The following SFMBT2 variants were observed in gnomAD, a reference collection of about 807,000 sequenced individuals.
The protein encoded by SFMBT2 is scm-like with four MBT domains protein 2.
A neutral mutation model predicts 110.1 loss-of-function variants in SFMBT2; 38 were observed. That is an observed-to-expected ratio of 0.35 (90% CI 0.27 to 0.45). SFMBT2 has a LOEUF of 0.45. Ranked by LOEUF, SFMBT2 falls within the 20% of genes least tolerant of loss-of-function variation. The pLI is 1.00. For missense variants in SFMBT2, 1,011 were observed against 1,094.9 expected, an observed-to-expected ratio of 0.92 and a Z score of 1.08; for synonymous variants, 425 against 425.4, an observed-to-expected ratio of 1.00 and a Z score of 0.01.
intron 16 of SFMBT2, among the ~76,000 whole-genome samples, chr10:7,179,583 A>G (rs1269544447): frequency 6.6e-6 from 1 of 152,112 alleles, no homozygotes; most frequent in Non-Finnish European, 1.5e-5. Context: ...AGAGCTCACT[A>G]TCGAGATTCT....
rs1839934634 is a variant in SFMBT2, at chr10:7,227,682, C to T, written c.1203+173G>A. Among the ~76,000 whole-genome samples the T allele has an allele frequency of 2.0e-5, 3 of 152,196 alleles. No homozygotes were observed. The South Asian group carries it at 6.2e-4, about 31-fold the overall frequency. ...ATTTGTTAGCACAGACCAGCATCAC[C>T]CTAGCAAATATACAACCTGAAAGCA... is the stretch of plus-strand genomic sequence containing the variant. On this transcript the variant is annotated intron_variant, in intron 10 of 20. Transcript: ENST00000397167.
rs1564472975 is a variant in SFMBT2, at chr10:7,393,008, TA to T, written c.-51-11060del. 8.7e-4 allele frequency among the ~76,000 whole-genome samples: 68 copies of T among 78,318 alleles called. 1 individual carries two copies. Among genetic ancestry groups the T allele is most frequent in the African/African-American group, 6.1e-3 (64 of 10,438 alleles). The allele number at this position is 78,318 out of a possible 152,430, so 51.4% of individuals were successfully genotyped here. A position where few individuals can be genotyped will look rare whatever the true frequency, so the allele number is the denominator to read the frequency against. On this transcript the variant is annotated intron_variant, in intron 1 of 20. Coordinates refer to ENST00000397167, the MANE Select transcript of SFMBT2 (RefSeq NM_001387889.1). ...TTATATATATATATATATATATATATATATATATATATATATATATATATAT... is the reference window on the plus strand; with the variant it reads ...TTATATATATATATATATATATATATTATATATATATATATATATATATAT...
intron 4 of SFMBT2, among the ~76,000 whole-genome samples, chr10:7,322,214 T>C (rs150063374): frequency 9.2e-5 from 14 of 152,344 alleles, no homozygotes; most frequent in African/African-American, 3.4e-4. Context: ...GTTTTATACA[T>C]GGGAGTTCCC....
At chr10:7,238,051 G>A (rs1304459943) in intron 9 of SFMBT2, among the ~76,000 whole-genome samples, 1 of 152,336 alleles carries the variant, frequency 6.6e-6, no homozygotes, top group East Asian at 1.9e-4. Context: ...GCTGGGTGCT[G>A]TAGGCTGTTG....
At chr10:7,246,235 T>C in intron 8 of SFMBT2, 1 of 882,796 alleles carries the variant, frequency 1.1e-6, no homozygotes, top group South Asian at 5.2e-5. Context: ...TAGAAATCAG[T>C]AAAAATACTT....
chr10:7,190,594 A>C (rs1412496105), intron 15 of SFMBT2, among the ~76,000 whole-genome samples: 2 of 152,326 alleles, frequency 1.3e-5, no homozygotes, highest in African/African-American at 2.4e-5. Flanking sequence ...GAGCTGAATA[A>C]TTTCTGTGCA....
chr10:7,245,680 T>C (rs1588379349), intron 8 of SFMBT2, among the ~76,000 whole-genome samples: 2 of 152,316 alleles, frequency 1.3e-5, no homozygotes, highest in African/African-American at 4.8e-5. Context: ...TTTCCTCTAA[T>C]CAATACAACA....
chr10:7,190,867 A>G (rs1838577335), intron 15 of SFMBT2, among the ~76,000 whole-genome samples: 1 of 152,130 alleles, frequency 6.6e-6, no homozygotes, highest in Non-Finnish European at 1.5e-5. Context: ...CATAATTCCC[A>G]TGTGTTGTGG....
intron 4 of SFMBT2, chr10:7,295,182 A>C (rs758911867): frequency 7.2e-5 from 11 of 152,242 alleles, no homozygotes; most frequent in Non-Finnish European, 1.0e-4. Context: ...ATTCTTGTAG[A>C]AGTCTGCATC....
chr10:7,244,862 T>C (rs1308351366), intron 8 of SFMBT2, among the ~76,000 whole-genome samples: 1 of 152,198 alleles, frequency 6.6e-6, no homozygotes, highest in Non-Finnish European at 1.5e-5. Context: ...GGTTTGCCTG[T>C]GAAAGTCAAC....
intron 7 of SFMBT2, among the ~76,000 whole-genome samples, chr10:7,256,757 A>G (rs1215480088): frequency 6.6e-6 from 1 of 152,136 alleles, no homozygotes; most frequent in Non-Finnish European, 1.5e-5. Context: ...CACCAACCCC[A>G]GCCTGGGACT....
intron 7 of SFMBT2, among the ~76,000 whole-genome samples, chr10:7,262,833 C>T (rs1841250691): frequency 6.6e-6 from 1 of 152,152 alleles, no homozygotes; most frequent in African/African-American, 2.4e-5. Flanking sequence ...AACTAGATGG[C>T]CCCGCTGGTC....
intron 4 of SFMBT2, among the ~76,000 whole-genome samples, chr10:7,309,295 T>C (rs1466264787): frequency 6.6e-6 from 1 of 152,220 alleles, no homozygotes; most frequent in East Asian, 1.9e-4. Context: ...TGTAAACATT[T>C]GTGGACTGAC....
At chr10:7,387,114 GAAATA>G (rs1282581768) in intron 1 of SFMBT2, among the ~76,000 whole-genome samples, 1 of 152,096 alleles carries the variant, frequency 6.6e-6, no homozygotes, top group Non-Finnish European at 1.5e-5. Flanking sequence ...GCAATGAAAA[GAAATA>G]AAACTAAACT....
rs1456606568 is a variant in SFMBT2 at position 7,172,760 on chromosome 10, A to G, written c.1985-99T>C. ...AGAAGGGAAACGATTCTTTCATCTG[A>G]TAGTTCATTTGTGCCTTACGAAGTC... On this transcript the variant is annotated intron_variant, in intron 17 of 20. Coordinates refer to ENST00000397167, the MANE Select transcript of SFMBT2 (RefSeq NM_001387889.1). The surrounding 1 kb of genome is among the most constrained non-coding windows in gnomAD (Gnocchi z 4.6). 6 of 1,386,380 alleles carry G rather than the reference A, an allele frequency of 4.3e-6. No individual in the cohort carries two copies. In the East Asian group the frequency reaches 1.2e-4, roughly 28 times the overall value. The allele number at this position is 1,386,380 out of a possible 1,614,324, so 85.9% of individuals were successfully genotyped here.
intron 9 of SFMBT2, among the ~76,000 whole-genome samples, chr10:7,238,240 T>C (rs1324989984): frequency 1.3e-5 from 2 of 152,146 alleles, no homozygotes; most frequent in African/African-American, 4.8e-5. Flanking sequence ...AACAGGTGGC[T>C]GTGAGGAGAA....
intron 5 of SFMBT2, 137 bp from the exon 6 acceptor site, chr10:7,284,287 C>T (rs1842027169): frequency 9.6e-6 from 14 of 1,461,900 alleles, no homozygotes; most frequent in Non-Finnish European, 1.2e-5. Flanking sequence ...CCCTCCACCC[C>T]ATCCTTGCCC....
At chr10:7,166,737 G>C (rs1837707401) in intron 20 of SFMBT2, among the ~76,000 whole-genome samples, 1 of 152,114 alleles carries the variant, frequency 6.6e-6, no homozygotes, top group African/African-American at 2.4e-5. Flanking sequence ...GAGACTTCAG[G>C]GACCAGTAAG....
rs185348054 is a variant in SFMBT2, at chr10:7,325,030, C to T, written c.437-39076G>A. Among the ~76,000 whole-genome samples the T allele has an allele frequency of 5.2e-3, 732 of 142,062 alleles. 6 individuals are homozygous for T. The highest frequency in any genetic ancestry group is 0.028 in the Middle Eastern group (7 of 250). The allele number at this position is 142,062 out of a possible 152,430, so 93.2% of individuals were successfully genotyped here. On this transcript the variant is annotated intron_variant, in intron 4 of 20. Transcript: ENST00000397167. ...TTGCCCAGGCTGGAGTGCAATGGCA[C>T]GATCTCGGCTCACTACAACCTCCAC...
Sources: gnomAD v4.1 joint callset for allele counts (sites outside exome capture counted in the v4.1 genomes callset) on GRCh38, gnomAD v4.1.1 for gene constraint, Gnocchi (gnomAD v3.1) non-coding constraint, MANE v1.5 for transcripts, NCBI Gene and HGNC (gene_info 2026-07-23, HGNC 2026-07-21) for gene names.